Variants in SHROOM4 observed in about 807,000 individuals in gnomAD.
SHROOM4 encodes shroom family member 4.
A neutral mutation model predicts 80.3 loss-of-function variants in SHROOM4; 17 were observed. The observed-to-expected ratio is 0.21, with a 90% CI of 0.14 to 0.32. SHROOM4 has a LOEUF of 0.32. Ranked by LOEUF, SHROOM4 falls within the 10% of genes least tolerant of loss-of-function variation. SHROOM4 has a pLI of 1.00. For missense variants in SHROOM4, 993 were observed against 1,140.3 expected, an observed-to-expected ratio of 0.87 and a Z score of 1.86; for synonymous variants, 400 against 437.5, an observed-to-expected ratio of 0.91 and a Z score of 1.07.
At chrX:50,636,400 T>C (rs1477317058) in intron 3 of SHROOM4, among the ~76,000 whole-genome samples, 2 of 111,322 alleles carry the variant, frequency 1.8e-5, no homozygotes, top group Non-Finnish European at 3.8e-5. Context: ...CCCTATTCTT[T>C]TCTTGATAAT....
chrX:50,664,169 A>G (rs1569547232), intron 2 of SHROOM4, among the ~76,000 whole-genome samples: 1 of 111,868 alleles, frequency 8.9e-6, no homozygotes, highest in Non-Finnish European at 1.9e-5. Context: ...GAAACCATAA[A>G]GAGAAGACTA....
intron 5 of SHROOM4, among the ~76,000 whole-genome samples, chrX:50,625,469 T>C (rs1930758343): frequency 8.9e-6 from 1 of 111,865 alleles, no homozygotes; most frequent in Non-Finnish European, 1.9e-5. Context: ...CTTAGAAAAC[T>C]CTCTATACCT....
rs782366302 is a variant in SHROOM4, at chrX:50,611,250, G to A, written c.2958-3066C>T. Among the ~76,000 whole-genome samples the A allele has an allele frequency of 4.0e-5, 4 of 99,266 alleles. No individual in the cohort carries two copies. In the East Asian group the frequency reaches 1.3e-3, roughly 32 times the overall value. 86.2% of individuals were successfully genotyped at this position (99,266 alleles called of 115,157 possible). A position where few individuals can be genotyped will look rare whatever the true frequency, so the allele number is the denominator to read the frequency against. ...TGCAAGCTCCGCCTCCCGGGTTCACGCCATTCTCCTGCCTCAGCCTCCCCA... is the reference window on the plus strand; with the variant it reads ...TGCAAGCTCCGCCTCCCGGGTTCACACCATTCTCCTGCCTCAGCCTCCCCA... On this transcript the variant is annotated intron_variant, in intron 5 of 8. Coordinates refer to ENST00000376020, the MANE Select transcript of SHROOM4 (RefSeq NM_020717.5).
intron 1 of SHROOM4, among the ~76,000 whole-genome samples, chrX:50,756,904 G>A (rs1199241213): frequency 8.9e-6 from 1 of 111,853 alleles, no homozygotes; most frequent in Non-Finnish European, 1.9e-5. Flanking sequence ...TATGATATAT[G>A]ATTTATAGGT....
chrX:50,693,006 T>C (rs1933260852), intron 2 of SHROOM4, among the ~76,000 whole-genome samples: 1 of 111,652 alleles, frequency 9.0e-6, no homozygotes, highest in South Asian at 3.8e-4. Context: ...TTGGGGCATG[T>C]TGTGTTTGCA....
intron 4 of SHROOM4, among the ~76,000 whole-genome samples, chrX:50,632,173 A>C (rs1931101344): frequency 8.9e-6 from 1 of 111,925 alleles, no homozygotes; most frequent in Non-Finnish European, 1.9e-5. Flanking sequence ...ATTGGCGAGC[A>C]GTGTTCTGAA....
chrX:50,808,309 C>A (rs1442955637), intron 1 of SHROOM4, among the ~76,000 whole-genome samples: 1 of 111,861 alleles, frequency 8.9e-6, no homozygotes, highest in Non-Finnish European at 1.9e-5. Flanking sequence ...TCAAAACTTT[C>A]CAGCAACAGA....
intron 2 of SHROOM4, among the ~76,000 whole-genome samples, chrX:50,686,808 T>C (rs1448676738): frequency 9.0e-6 from 1 of 111,592 alleles, no homozygotes; most frequent in African/African-American, 3.3e-5. Context: ...AAGCTCCATG[T>C]GGGCAGGGAA....
At chrX:50,597,914 C>T (rs1038450804) in intron 8 of SHROOM4, among the ~76,000 whole-genome samples, 2 of 111,411 alleles carry the variant, frequency 1.8e-5, no homozygotes, top group Admixed American at 9.5e-5. Context: ...TCTTTGCTCA[C>T]GGCAGTCTCC....
intron 1 of SHROOM4, among the ~76,000 whole-genome samples, chrX:50,729,555 A>C: frequency 8.9e-6 from 1 of 111,825 alleles, no homozygotes; most frequent in East Asian, 2.8e-4. Flanking sequence ...AGGAGAGGAA[A>C]TAAAGAGACT....
chrX:50,767,323 A>G (rs1935298583), intron 1 of SHROOM4, among the ~76,000 whole-genome samples: 2 of 111,991 alleles, frequency 1.8e-5, no homozygotes, highest in Non-Finnish European at 3.8e-5. Flanking sequence ...ACACAATCTT[A>G]TATTTTCATG....
intron 1 of SHROOM4, among the ~76,000 whole-genome samples, chrX:50,697,196 C>T (rs1933392456): frequency 8.9e-6 from 1 of 111,803 alleles, no homozygotes; most frequent in South Asian, 3.8e-4. Context: ...AAGGCTCCAA[C>T]TCACTGATAT....
intron 1 of SHROOM4, among the ~76,000 whole-genome samples, chrX:50,724,453 T>C (rs1934200230): frequency 9.2e-6 from 1 of 108,674 alleles, no homozygotes; most frequent in Non-Finnish European, 1.9e-5. Context: ...TAAATTGTCC[T>C]TTCAGTTTCT....
intron 5 of SHROOM4, among the ~76,000 whole-genome samples, chrX:50,621,640 G>A (rs781939063): frequency 1.8e-5 from 2 of 111,790 alleles, no homozygotes; most frequent in Non-Finnish European, 3.8e-5. Flanking sequence ...CCTTGAATAA[G>A]TTTCGTGTGC....
At chrX:50,770,956 C>G (rs1357348288) in intron 1 of SHROOM4, among the ~76,000 whole-genome samples, 1 of 111,504 alleles carries the variant, frequency 9.0e-6, no homozygotes, top group Non-Finnish European at 1.9e-5. Flanking sequence ...TCCCCCTACT[C>G]AACAATGCTT....
At chrX:50,598,095 T>A (rs1376849831) in intron 8 of SHROOM4, among the ~76,000 whole-genome samples, 171 bp downstream of exon 8, 2 of 111,549 alleles carry the variant, frequency 1.8e-5, no homozygotes, top group East Asian at 5.6e-4. Context: ...CGCTTTGGCC[T>A]CCCAAAGTAC....
At chrX:50,576,466 C>T in the SHROOM4 span, among the ~76,000 whole-genome samples, 1 of 111,724 alleles carries the variant, frequency 9.0e-6, no homozygotes, top group South Asian at 3.8e-4. Flanking sequence ...ACGGTTGCTT[C>T]TTGTGTTATG....
intron 1 of SHROOM4, among the ~76,000 whole-genome samples, chrX:50,804,653 T>C (rs1296250011): frequency 2.7e-5 from 3 of 112,460 alleles, no homozygotes; most frequent in Non-Finnish European, 5.6e-5. Flanking sequence ...GTCTCGGTTC[T>C]TCATCTGCAC....
In SHROOM4 at chrX:50,640,412, C is replaced by G. The variant is rs940766814; in HGVS notation, c.270-2104G>C. On this transcript the variant is annotated intron_variant, in intron 2 of 8. Coordinates refer to ENST00000376020, the MANE Select transcript of SHROOM4 (RefSeq NM_020717.5). Reference sequence around the variant, plus strand: ...TCTCTCTCTCTCTCCCCCTACCCCCCCTCCATTTTCACTGTGGCCATTAGA... The same window carrying G: ...TCTCTCTCTCTCTCCCCCTACCCCCGCTCCATTTTCACTGTGGCCATTAGA... 1.8e-4 allele frequency among the ~76,000 whole-genome samples: 19 copies of G among 108,342 alleles called. 1 individual carries two copies. The highest frequency in any genetic ancestry group is 1.3e-3 in the South Asian group (3 of 2,321). 94.1% of individuals were successfully genotyped at this position (108,342 alleles called of 115,157 possible).
Sources: allele counts gnomAD v4.1 joint callset (sites outside exome capture counted in the v4.1 genomes callset), GRCh38; gene constraint gnomAD v4.1.1; transcripts MANE v1.5; gene names NCBI Gene and HGNC (gene_info 2026-07-23, HGNC 2026-07-21).